TRABD2B: variants seen among roughly 807,000 people sequenced by gnomAD.
TRABD2B encodes the protein TraB domain containing 2B, also known as metalloprotease TIKI2.
Under a neutral mutation model 40.1 loss-of-function variants are expected in TRABD2B, and 14 were observed. That is an observed-to-expected ratio of 0.35 (90% CI 0.23 to 0.55). The LOEUF (loss-of-function observed/expected upper bound fraction) is 0.55, where lower values mean the gene tolerates loss of function less well. TRABD2B is among the 20% of genes least tolerant of loss of function. TRABD2B has a pLI of 0.90. For synonymous variants in TRABD2B, 263 were observed against 277.0 expected (o/e 0.95, Z 0.50); for missense variants, 541 against 648.6 (o/e 0.83, Z 1.80).
rs78914661 is a variant in TRABD2B, at chr1:47,770,715, C to G, written c.1349+4455G>C. On this transcript the variant is annotated intron_variant, in intron 6 of 6. Transcript: ENST00000606738. ...AGACTTTTCCTCTTCCTGTCCCTCA[C>G]TAGCACTAAATGCAGTATGTGCCCA... 3.5e-3 allele frequency among the ~76,000 whole-genome samples: 540 copies of G among 152,342 alleles called. 4 individuals are homozygous for G. Among genetic ancestry groups the G allele is most frequent in the African/African-American group, 0.012 (497 of 41,580 alleles).
chr1:47,959,282 C>G (rs566371475), intron 2 of TRABD2B, among the ~76,000 whole-genome samples: 1 of 152,196 alleles, frequency 6.6e-6, no homozygotes, highest in South Asian at 2.1e-4. Context: ...AATTGACACC[C>G]TGACATCACA....
At chr1:47,855,818 T>C (rs1643884277) in intron 2 of TRABD2B, among the ~76,000 whole-genome samples, 1 of 152,176 alleles carries the variant, frequency 6.6e-6, no homozygotes, top group East Asian at 1.9e-4. Flanking sequence ...AAGACAGCCA[T>C]CTGCAAACCA....
intron 2 of TRABD2B, among the ~76,000 whole-genome samples, chr1:47,941,512 A>G (rs780713633): frequency 6.6e-6 from 1 of 152,260 alleles, no homozygotes; most frequent in Non-Finnish European, 1.5e-5. Flanking sequence ...AGTGAACTAC[A>G]TTGAGAACTG....
chr1:47,861,678 G>T (rs1312429334), intron 2 of TRABD2B, among the ~76,000 whole-genome samples: 1 of 152,152 alleles, frequency 6.6e-6, no homozygotes, highest in Admixed American at 6.5e-5. Context: ...AGTGAATTCT[G>T]CCAAACATTT....
At chr1:47,855,449 C>T (rs1054571359) in intron 2 of TRABD2B, among the ~76,000 whole-genome samples, 2 of 152,142 alleles carry the variant, frequency 1.3e-5, no homozygotes, top group East Asian at 1.9e-4. Flanking sequence ...TATGGGATAT[C>T]GTTCTGTTTT....
chr1:47,812,703 A>C (rs1301527384), intron 2 of TRABD2B, among the ~76,000 whole-genome samples: 2 of 152,232 alleles, frequency 1.3e-5, no homozygotes, highest in Admixed American at 1.3e-4. Context: ...TGGGCAACAG[A>C]GTGAGATTCT....
At chr1:47,822,797 G>A (rs1353397148) in intron 2 of TRABD2B, among the ~76,000 whole-genome samples, 1 of 152,198 alleles carries the variant, frequency 6.6e-6, no homozygotes, top group Non-Finnish European at 1.5e-5. Flanking sequence ...TTTAGTTCTA[G>A]CAGCTGAGGG....
At chr1:47,916,504 A>C (rs1015149738) in intron 2 of TRABD2B, among the ~76,000 whole-genome samples, 4 of 152,240 alleles carry the variant, frequency 2.6e-5, no homozygotes, top group African/African-American at 9.6e-5. Context: ...ACTGGGGACC[A>C]GGTCAGTCAA....
chr1:47,889,736 T>C (rs1333231173), intron 2 of TRABD2B, among the ~76,000 whole-genome samples: 1 of 152,246 alleles, frequency 6.6e-6, no homozygotes, highest in East Asian at 1.9e-4. Context: ...CTCCAGTCCT[T>C]GGCCCCTGAG....
At chr1:47,975,752 G>A (rs1359270416) in intron 2 of TRABD2B, among the ~76,000 whole-genome samples, 1 of 152,102 alleles carries the variant, frequency 6.6e-6, no homozygotes, top group Non-Finnish European at 1.5e-5. Flanking sequence ...TCTTCTAAGG[G>A]GTCAAATGAA....
At chr1:47,953,481 C>T (rs1471354267) in intron 2 of TRABD2B, among the ~76,000 whole-genome samples, 3 of 152,104 alleles carry the variant, frequency 2.0e-5, no homozygotes, top group African/African-American at 2.4e-5. Flanking sequence ...AAGCTCCCCA[C>T]CCTATACCTT....
At chr1:47,838,395 A>C (rs908822556) in intron 2 of TRABD2B, among the ~76,000 whole-genome samples, 1 of 152,164 alleles carries the variant, frequency 6.6e-6, no homozygotes, top group Non-Finnish European at 1.5e-5. Context: ...CCATCTCTGG[A>C]GGAGGGTCAG....
chr1:47,794,643 C>A lies in TRABD2B; in HGVS notation c.931G>T (p.Val311Phe). The A allele has an allele frequency of 2.0e-6, 3 of 1,536,686 alleles. No individual in the cohort carries two copies. The highest frequency in any genetic ancestry group is 2.4e-5 in the East Asian group (1 of 40,904). Reference protein sequence around the residue: ...YKRNERMGKRVMALLRENEDK... With the variant: ...YKRNERMGKRFMALLRENEDK... Reference sequence around the variant, plus strand: ...TCGTTCTCCCGTAGAAGCGCCATGACCCTCTTCCCCATGCGCTCATTCCTC... The same window carrying A: ...TCGTTCTCCCGTAGAAGCGCCATGAACCTCTTCCCCATGCGCTCATTCCTC... The change falls in exon 4 of 7, where the codon GTC (valine) becomes TTC (phenylalanine). Residue 311 changes from valine (V) to phenylalanine (F), a missense_variant. By Grantham distance (50) the Val-to-Phe change is conservative. Coordinates refer to ENST00000606738, the MANE Select transcript of TRABD2B (RefSeq NM_001194986.2).
intron 2 of TRABD2B, among the ~76,000 whole-genome samples, chr1:47,876,675 C>T (rs1644229499): frequency 6.6e-6 from 1 of 152,222 alleles, no homozygotes; most frequent in Admixed American, 6.5e-5. Context: ...CCTGGCCCAG[C>T]CGGGGGGCCC....
chr1:47,922,244 G>A (rs1644912574), intron 2 of TRABD2B, among the ~76,000 whole-genome samples: 1 of 152,216 alleles, frequency 6.6e-6, no homozygotes, highest in East Asian at 1.9e-4. Flanking sequence ...GCCATGGAGA[G>A]TGGTTACTTG....
intron 2 of TRABD2B, among the ~76,000 whole-genome samples, chr1:47,856,709 G>T (rs1485908330): frequency 2.6e-5 from 4 of 152,212 alleles, no homozygotes. Flanking sequence ...TTTTTCAAGA[G>T]CACAGTCTGG....
chr1:47,986,140 A>G (rs1212743007), intron 2 of TRABD2B, among the ~76,000 whole-genome samples: 1 of 152,196 alleles, frequency 6.6e-6, no homozygotes, highest in Non-Finnish European at 1.5e-5. Flanking sequence ...GAGGAGAAAA[A>G]CAGAGACTTG....
intron 2 of TRABD2B, among the ~76,000 whole-genome samples, chr1:47,827,397 C>T (rs1645190703): frequency 1.3e-5 from 2 of 152,216 alleles, no homozygotes; most frequent in South Asian, 4.1e-4. Context: ...GTCTGTGTGG[C>T]CCATGGCAAG....
At chr1:47,880,232 C>T (rs1024490418) in intron 2 of TRABD2B, among the ~76,000 whole-genome samples, 8 of 152,160 alleles carry the variant, frequency 5.3e-5, no homozygotes, top group African/African-American at 1.7e-4. Context: ...AGGAGAATTG[C>T]TTGAGCCCAG....
Sources: allele counts gnomAD v4.1 joint callset (sites outside exome capture counted in the v4.1 genomes callset), GRCh38; gene constraint gnomAD v4.1.1; transcripts MANE v1.5; gene names NCBI Gene and HGNC (gene_info 2026-07-23, HGNC 2026-07-21).